KCNIP1: variants seen among roughly 807,000 people sequenced by gnomAD.
KCNIP1 encodes potassium voltage-gated channel interacting protein 1, also known as A-type potassium channel modulatory protein KCNIP1.
Under a neutral mutation model 33.0 loss-of-function variants are expected in KCNIP1, and 18 were observed. The ratio of observed to expected loss-of-function variants is 0.55; its 90% CI spans 0.38 to 0.81. KCNIP1 has a LOEUF of 0.81. Among genes scored for constraint, KCNIP1 ranks in the 30% least tolerant of loss-of-function variants. KCNIP1 has a pLI of 0.00. For missense variants in KCNIP1, 238 were observed against 271.6 expected (o/e 0.88, Z 0.87); for synonymous variants, 93 against 98.3 (o/e 0.95, Z 0.32).
In KCNIP1 at chr5:170,412,733, C is replaced by T. The variant is rs1755228152; in HGVS notation, c.88+58769C>T. The stretch of plus-strand genomic sequence containing the variant: ...CTTGCTTTTTCTCTGCTGCCTCTCA[C>T]CTCAGGGCCTCTGCACCAGATGTTC... On this transcript the variant is annotated intron_variant, in intron 1 of 7. Transcript: ENST00000377360. Among the ~76,000 whole-genome samples, 3 of 152,278 alleles carry T rather than the reference C, an allele frequency of 2.0e-5. No individual in the cohort carries two copies. The South Asian group carries it at 6.2e-4, about 32-fold the overall frequency.
At chr5:170,390,288 TC>T (rs1764664539) in intron 1 of KCNIP1, among the ~76,000 whole-genome samples, 2 of 151,816 alleles carry the variant, frequency 1.3e-5, no homozygotes, top group African/African-American at 4.8e-5. Flanking sequence ...GATGGATTGC[TC>T]AAGCCCAGGA....
intron 1 of KCNIP1, among the ~76,000 whole-genome samples, chr5:170,495,962 G>A (rs546716051): frequency 7.5e-4 from 114 of 152,284 alleles, no homozygotes; most frequent in African/African-American, 2.6e-3. Context: ...TGCTGGGAGC[G>A]GAGATCCTGG....
intron 1 of KCNIP1, among the ~76,000 whole-genome samples, chr5:170,692,902 T>C (rs1762767845): frequency 6.6e-6 from 1 of 152,212 alleles, no homozygotes; most frequent in Admixed American, 6.5e-5. Flanking sequence ...CCAAAACTCA[T>C]AAACTTAATG....
chr5:170,625,476 G>A (rs1759786422), intron 1 of KCNIP1, among the ~76,000 whole-genome samples: 2 of 152,206 alleles, frequency 1.3e-5, no homozygotes, highest in Non-Finnish European at 2.9e-5. Context: ...CCATCGCTGG[G>A]CTGTGACCTG....
chr5:170,487,183 G>T (rs1463735950), intron 1 of KCNIP1, among the ~76,000 whole-genome samples: 1 of 152,186 alleles, frequency 6.6e-6, no homozygotes, highest in Non-Finnish European at 1.5e-5. Context: ...CTAGGGAAAA[G>T]TTGCAGGCAG....
At chr5:170,546,006 G>A (rs1018557948) in intron 1 of KCNIP1, among the ~76,000 whole-genome samples, 2 of 152,172 alleles carry the variant, frequency 1.3e-5, no homozygotes, top group East Asian at 3.8e-4. Flanking sequence ...TTCCTCTGTT[G>A]GAGAGTCAGG....
chr5:170,704,893 A>G (rs758317742), intron 1 of KCNIP1, among the ~76,000 whole-genome samples: 2 of 152,226 alleles, frequency 1.3e-5, no homozygotes, highest in Non-Finnish European at 2.9e-5. Context: ...ATAGAGAGGC[A>G]GCAGGGCTTG....
chr5:170,463,058 A>G (rs1040382111), intron 1 of KCNIP1, among the ~76,000 whole-genome samples: 4 of 152,130 alleles, frequency 2.6e-5, no homozygotes, highest in Non-Finnish European at 5.9e-5. Flanking sequence ...AAATCTCACA[A>G]ATCACCACCA....
At chr5:170,700,020 G>A (rs1216971790) in intron 1 of KCNIP1, among the ~76,000 whole-genome samples, 2 of 152,116 alleles carry the variant, frequency 1.3e-5, no homozygotes, top group Admixed American at 1.3e-4. Flanking sequence ...TCCCAGCCTG[G>A]CACAATGTGG....
At chr5:170,438,406 C>A (rs1374498123) in intron 1 of KCNIP1, among the ~76,000 whole-genome samples, 3 of 152,224 alleles carry the variant, frequency 2.0e-5, no homozygotes, top group African/African-American at 7.2e-5. Context: ...CTGTCCTAGG[C>A]TGAGGAGCTG....
intron 1 of KCNIP1, among the ~76,000 whole-genome samples, chr5:170,670,907 A>AAT (rs1554109765): frequency 5.3e-4 from 70 of 131,642 alleles, no homozygotes; most frequent in African/African-American, 2.2e-3. Flanking sequence ...AAAAACAAAA[A>AAT]AAAAAATAAA....
intron 1 of KCNIP1, among the ~76,000 whole-genome samples, chr5:170,547,469 T>A (rs951249651): frequency 1.3e-5 from 2 of 152,200 alleles, no homozygotes; most frequent in Non-Finnish European, 2.9e-5. Context: ...ACAGATTATT[T>A]CATCATCCAC....
chr5:170,561,026 C>T, intron 1 of KCNIP1: 2 of 446,878 alleles, frequency 4.5e-6, no homozygotes, highest in South Asian at 3.2e-5. Flanking sequence ...GGCATCCGTG[C>T]CATCCAACGG....
At chr5:170,624,574 C>G (rs1225642690) in intron 1 of KCNIP1, among the ~76,000 whole-genome samples, 1 of 151,950 alleles carries the variant, frequency 6.6e-6, no homozygotes, top group Non-Finnish European at 1.5e-5. Context: ...TTTCAGTTTT[C>G]AAGCATTGGA....
chr5:170,442,489 G>A (rs1374210660), intron 1 of KCNIP1, among the ~76,000 whole-genome samples: 1 of 152,156 alleles, frequency 6.6e-6, no homozygotes, highest in Non-Finnish European at 1.5e-5. Context: ...CTTCATGTCA[G>A]GTTAAGGAGA....
chr5:170,368,842 C>T (rs1050872148), intron 1 of KCNIP1, among the ~76,000 whole-genome samples: 3 of 152,204 alleles, frequency 2.0e-5, no homozygotes, highest in Non-Finnish European at 4.4e-5. Context: ...GTGACCAAAC[C>T]CACACACGCA....
intron 6 of KCNIP1, among the ~76,000 whole-genome samples, chr5:170,733,444 T>C (rs1249597284): frequency 6.6e-6 from 1 of 152,222 alleles, no homozygotes; most frequent in Non-Finnish European, 1.5e-5. Flanking sequence ...ACTTTGCAGA[T>C]GGGAAAAGAG....
chr5:170,517,238 G>C lies in KCNIP1; in HGVS notation c.61+12605G>C, dbSNP rs779555742. ...GTGGTAGGACAGAGAGAGAGCAAAG[G>C]GGGGTGTGCTACATACTTTTAAACA... On this transcript the variant is annotated intron_variant, in intron 1 of 7. Coordinates refer to ENST00000328939, the MANE Select transcript of KCNIP1 (RefSeq NM_014592.4). 5.9e-5 allele frequency among the ~76,000 whole-genome samples: 9 copies of C among 152,212 alleles called. 1 individual carries two copies. The South Asian group carries it at 8.3e-4, about 14-fold the overall frequency.
chr5:170,688,907 G>T (rs1476857392), intron 1 of KCNIP1, among the ~76,000 whole-genome samples: 1 of 147,910 alleles, frequency 6.8e-6, no homozygotes, highest in East Asian at 2.1e-4. Flanking sequence ...CTTCTCCAGG[G>T]CTAACCAGTT....
Sources: gnomAD v4.1 joint callset for allele counts (sites outside exome capture counted in the v4.1 genomes callset) on GRCh38, gnomAD v4.1.1 for gene constraint, MANE v1.5 for transcripts, NCBI Gene and HGNC (gene_info 2026-07-23, HGNC 2026-07-21) for gene names.